DCC: variants seen among roughly 807,000 people sequenced by gnomAD.
DCC encodes DCC netrin 1 receptor.
In DCC, 58 loss-of-function variants were observed where a neutral mutation model predicts 172.5. That is an observed-to-expected ratio of 0.34 (90% CI 0.27 to 0.42). The LOEUF is 0.42. Among genes scored for constraint, DCC ranks in the 10% least tolerant of loss-of-function variants. The pLI is 1.00. For missense variants in DCC, 1,740 were observed against 1,791.0 expected, an observed-to-expected ratio of 0.97 and a Z score of 0.51; for synonymous variants, 709 against 644.5, an observed-to-expected ratio of 1.10 and a Z score of -1.52.
chr18:53,366,453 G>C (rs2058005888), intron 15 of DCC, among the ~76,000 whole-genome samples: 1 of 152,060 alleles, frequency 6.6e-6, no homozygotes, highest in South Asian at 2.1e-4. Context: ...ATGCCAGAAA[G>C]AATGGTAGGC....
chr18:53,197,715 A>C (rs1236819916), intron 9 of DCC, among the ~76,000 whole-genome samples: 1 of 151,998 alleles, frequency 6.6e-6, no homozygotes, highest in Non-Finnish European at 1.5e-5. Flanking sequence ...AGGATTAATT[A>C]AGTTCCCAAG....
At chr18:52,995,068 G>A in intron 5 of DCC, among the ~76,000 whole-genome samples, 1 of 152,014 alleles carries the variant, frequency 6.6e-6, no homozygotes, top group East Asian at 1.9e-4. Context: ...AAATTAACAT[G>A]AATTTAATAG....
At chr18:53,327,458 T>C (rs192399556) in intron 14 of DCC, among the ~76,000 whole-genome samples, 46 of 152,302 alleles carry the variant, frequency 3.0e-4, no homozygotes, top group Middle Eastern at 6.8e-3. Context: ...TATGATACTT[T>C]TGTTTTTGGA....
At chr18:52,979,773 CCTGT>C (rs2041176919) in intron 5 of DCC, among the ~76,000 whole-genome samples, 1 of 152,114 alleles carries the variant, frequency 6.6e-6, no homozygotes, top group African/African-American at 2.4e-5. Context: ...CAGTGATCAG[CCTGT>C]CTGTGGAAAG....
chr18:52,810,950 C>T (rs2038185757), intron 2 of DCC, among the ~76,000 whole-genome samples: 1 of 152,106 alleles, frequency 6.6e-6, no homozygotes, highest in African/African-American at 2.4e-5. Flanking sequence ...CACGTTGTTT[C>T]AGCATCTGAA....
intron 12 of DCC, among the ~76,000 whole-genome samples, chr18:53,300,275 G>A (rs1477445317): frequency 6.6e-6 from 1 of 152,158 alleles, no homozygotes; most frequent in Non-Finnish European, 1.5e-5. Context: ...TATGCTTAGA[G>A]CAGGGTAAAA....
chr18:53,232,598 A>T (rs2056139896), intron 12 of DCC, among the ~76,000 whole-genome samples: 1 of 152,154 alleles, frequency 6.6e-6, no homozygotes, highest in Admixed American at 6.5e-5. Context: ...ACAACCTCTC[A>T]GGGTACCTTG....
chr18:53,313,669 A>G (rs540172975), intron 13 of DCC, among the ~76,000 whole-genome samples: 5 of 152,194 alleles, frequency 3.3e-5, no homozygotes, highest in Non-Finnish European at 5.9e-5. Flanking sequence ...CTACCTGCCT[A>G]TTATTCAAGT....
At chr18:52,991,112 G>A (rs776577463) in intron 5 of DCC, among the ~76,000 whole-genome samples, 6 of 152,074 alleles carry the variant, frequency 3.9e-5, no homozygotes, top group Non-Finnish European at 8.8e-5. Flanking sequence ...GCTCGATTGT[G>A]GACCCATCTC....
At chr18:53,062,453 C>A (rs2042509758) in intron 5 of DCC, among the ~76,000 whole-genome samples, 1 of 152,118 alleles carries the variant, frequency 6.6e-6, no homozygotes, top group African/African-American at 2.4e-5. Context: ...TGCTACTTCA[C>A]TGTGAATTTA....
At position 53,416,920 on chromosome 18, in the gene DCC, A is replaced by G. The variant is rs569161385; in HGVS notation, c.3163+764A>G. On this transcript the variant is annotated intron_variant, in intron 21 of 28. Coordinates refer to ENST00000442544, the MANE Select transcript of DCC (RefSeq NM_005215.4). ...AATTAGTAGAAAGCTGAGGGAGACA[A>G]TGAATAGTTTATGAGTTTTATTTTT... Among the ~76,000 whole-genome samples the G allele has an allele frequency of 2.6e-5, 4 of 152,328 alleles. No homozygotes were observed. The East Asian group carries it at 5.8e-4, about 22-fold the overall frequency.
intron 2 of DCC, among the ~76,000 whole-genome samples, chr18:52,764,605 C>T (rs916670205): frequency 5.3e-5 from 8 of 152,232 alleles, no homozygotes; most frequent in African/African-American, 1.9e-4. Context: ...TACATGCTGG[C>T]TTCCCTTCAC....
intron 5 of DCC, among the ~76,000 whole-genome samples, chr18:52,941,406 A>AT (rs2145524213): frequency 6.6e-6 from 1 of 152,222 alleles, no homozygotes; most frequent in South Asian, 2.1e-4. Context: ...ATGCATCTTT[A>AT]TAAAAAATGA....
At chr18:52,465,698 A>T (rs185389894) in intron 1 of DCC, among the ~76,000 whole-genome samples, 83 of 152,212 alleles carry the variant, frequency 5.5e-4, no homozygotes, top group Non-Finnish European at 8.8e-4. Flanking sequence ...TCCATTGTTC[A>T]AGGCATTTCT....
At chr18:52,985,949 T>G (rs1291398837) in intron 5 of DCC, among the ~76,000 whole-genome samples, 1 of 152,212 alleles carries the variant, frequency 6.6e-6, no homozygotes, top group Non-Finnish European at 1.5e-5. Context: ...TTCCTGTTCC[T>G]TGCATTATCT....
chr18:52,654,368 G>A (rs941019715), intron 1 of DCC, among the ~76,000 whole-genome samples: 1 of 152,150 alleles, frequency 6.6e-6, no homozygotes, highest in Non-Finnish European at 1.5e-5. Flanking sequence ...AAATGGGGAG[G>A]AAAGCATTCC....
At chr18:52,512,558 T>C (rs540824073) in intron 1 of DCC, among the ~76,000 whole-genome samples, 4 of 152,306 alleles carry the variant, frequency 2.6e-5, no homozygotes, top group African/African-American at 9.6e-5. Context: ...AATTTTTTCA[T>C]GGTGACATGC....
At chr18:52,842,973 T>C (rs1402763280) in intron 2 of DCC, among the ~76,000 whole-genome samples, 1 of 152,172 alleles carries the variant, frequency 6.6e-6, no homozygotes, top group African/African-American at 2.4e-5. Context: ...TTGAACTTGG[T>C]TACTAATTTA....
chr18:52,921,751 T>C (rs1487215609), intron 3 of DCC, among the ~76,000 whole-genome samples: 1 of 150,794 alleles, frequency 6.6e-6, no homozygotes, highest in Non-Finnish European at 1.5e-5. Flanking sequence ...GGAAAAAGTG[T>C]CCCTTCCATG....
Sources: allele counts gnomAD v4.1 joint callset (sites outside exome capture counted in the v4.1 genomes callset), GRCh38; gene constraint gnomAD v4.1.1; transcripts MANE v1.5; gene names NCBI Gene and HGNC (gene_info 2026-07-23, HGNC 2026-07-21).